Variants in RAB6B observed in about 807,000 individuals in gnomAD.
RAB6B encodes the protein RAB6B, member RAS oncogene family.
In RAB6B, 7 loss-of-function variants were observed where a neutral mutation model predicts 31.2. The ratio of observed to expected loss-of-function variants is 0.22; its 90% CI spans 0.13 to 0.42. The LOEUF (loss-of-function observed/expected upper bound fraction) is 0.42, where lower values mean the gene tolerates loss of function less well. RAB6B is among the 10% of genes least tolerant of loss of function. RAB6B has a pLI of 1.00. For synonymous variants in RAB6B, 105 were observed against 104.9 expected, an observed-to-expected ratio of 1.00 and a Z score of -0.01; for missense variants, 149 against 280.6, an observed-to-expected ratio of 0.53 and a Z score of 3.35.
At chr3:133,834,446 G>T (rs1935702445) in intron 7 of RAB6B, 129 bp downstream of exon 7, 1 of 993,288 alleles carries the variant, frequency 1.0e-6, no homozygotes, top group Non-Finnish European at 1.6e-6. Context: ...AGGAGGCCCC[G>T]TGCCATTCGC....
chr3:133,887,202 C>T (rs1936561211), intron 1 of RAB6B, among the ~76,000 whole-genome samples: 1 of 152,200 alleles, frequency 6.6e-6, no homozygotes, highest in African/African-American at 2.4e-5. Flanking sequence ...CCCTGTCGTC[C>T]TAATCATGGT....
At chr3:133,840,734 C>T (rs1046420665) in intron 4 of RAB6B, among the ~76,000 whole-genome samples, 3 of 152,024 alleles carry the variant, frequency 2.0e-5, no homozygotes, top group African/African-American at 7.2e-5. Flanking sequence ...CCCTGTGCGC[C>T]CTTGAGGCTG....
rs1935566779 is a variant in RAB6B, at chr3:133,826,571, T to C, written c.*2217A>G. ...TGGACTCCTGTAAATTCTCTCGAGG[T>C]AAGTAAGCACTCTTCCAACAAGCAC... On this transcript the variant is annotated 3_prime_UTR_variant, in exon 8 of 8. Coordinates refer to ENST00000285208, the MANE Select transcript of RAB6B (RefSeq NM_016577.4). 1 of 152,608 alleles carries C rather than the reference T, an allele frequency of 6.6e-6. No individual in the cohort carries two copies. Among genetic ancestry groups the C allele is most frequent in the African/African-American group, 2.4e-5 (1 of 41,440 alleles). The allele number at this position is 152,608 out of a possible 1,614,324, so 9.5% of individuals were successfully genotyped here. A position where few individuals can be genotyped will look rare whatever the true frequency, so the allele number is the denominator to read the frequency against.
rs906146248 is a variant in RAB6B at position 133,895,786 on chromosome 3, G to A, written c.-320C>T. The stretch of plus-strand genomic sequence containing the variant: ...CTGGGAGAGAGGCGCGGGCGGAGCG[G>A]GGCGCAGGGACGGCGCGCGGGGCGG... On this transcript the variant is annotated 5_prime_UTR_variant, in exon 1 of 8. Coordinates refer to ENST00000285208, the MANE Select transcript of RAB6B (RefSeq NM_016577.4). 2 of 351,110 alleles carry A rather than the reference G, an allele frequency of 5.7e-6. No homozygotes were observed. Among genetic ancestry groups the A allele is most frequent in the African/African-American group, 2.1e-5 (1 of 46,532 alleles). The allele number at this position is 351,110 out of a possible 1,614,324, so 21.7% of individuals were successfully genotyped here. A position where few individuals can be genotyped will look rare whatever the true frequency, so the allele number is the denominator to read the frequency against.
intron 1 of RAB6B, among the ~76,000 whole-genome samples, chr3:133,886,428 T>G (rs1273873869): frequency 1.3e-5 from 2 of 152,226 alleles, no homozygotes; most frequent in East Asian, 3.9e-4. Context: ...TACTCCACCC[T>G]GGCTGAGCTC....
At chr3:133,885,261 T>C (rs1936528974) in intron 1 of RAB6B, among the ~76,000 whole-genome samples, 1 of 143,714 alleles carries the variant, frequency 7.0e-6, no homozygotes, top group Non-Finnish European at 1.5e-5. Flanking sequence ...ACACACCCAA[T>C]GACCAGAGGA....
intron 1 of RAB6B, among the ~76,000 whole-genome samples, chr3:133,885,317 A>G (rs1218489482): frequency 6.9e-6 from 1 of 145,724 alleles, no homozygotes; most frequent in Non-Finnish European, 1.5e-5. Flanking sequence ...GGACTCACAC[A>G]CCTAATGACC....
chr3:133,840,724 C>T (rs1935813604), intron 4 of RAB6B, among the ~76,000 whole-genome samples: 1 of 151,920 alleles, frequency 6.6e-6, no homozygotes, highest in Admixed American at 6.6e-5. Flanking sequence ...CCACCTCTGG[C>T]CCTGTGCGCC....
chr3:133,843,838 T>C (rs889964512), intron 2 of RAB6B, among the ~76,000 whole-genome samples: 2 of 152,172 alleles, frequency 1.3e-5, no homozygotes, highest in Non-Finnish European at 2.9e-5. Context: ...TGAGTCATAG[T>C]GGCCCATCCA....
At position 133,864,618 on chromosome 3, in the gene RAB6B, C is replaced by T. The variant is rs1229890593; in HGVS notation, c.95G>A (p.Arg32Lys). The change falls in exon 2 of 8, where the codon AGG (arginine) becomes AAG (lysine). Residue 32 changes from arginine (R) to lysine (K), a missense_variant. Physicochemically the swap from Arg to Lys is conservative, Grantham distance 26. This residue lies in a region of RAB6B where 75 missense variants were observed against 180.1 expected (regional missense o/e 0.42). Transcript: ENST00000285208. ...QSVGKTSLIT[R>K]FMYDSFDNTY... ...GTTGTCGAAGCTGTCGTACATGAAC[C>T]TCGTAATCAGAGACGTCTTCCCGAC... 6.2e-7 allele frequency: 1 copy of T among 1,614,188 alleles called. No homozygotes were observed. Among genetic ancestry groups the T allele is most frequent in the Non-Finnish European group, 8.5e-7 (1 of 1,180,028 alleles).
intron 5 of RAB6B, 56 bp downstream of exon 5, chr3:133,839,450 A>G: frequency 7.0e-7 from 1 of 1,424,900 alleles, no homozygotes; most frequent in Non-Finnish European, 9.9e-7. Context: ...CCTGTCCAGG[A>G]GCAGTTACAG....
In RAB6B at chr3:133,836,424, AG is replaced by A. The variant is rs376755237; in HGVS notation, c.495+1741del. Among the ~76,000 whole-genome samples the A allele has an allele frequency of 3.3e-5, 5 of 152,322 alleles. No individual in the cohort carries two copies. In the East Asian group the frequency reaches 9.6e-4, roughly 29 times the overall value. On this transcript the variant is annotated intron_variant, in intron 6 of 7. Transcript: ENST00000285208. ...GGATCAGGTATGGGTTTCTAGGGTC[AG>A]GTATGGGTTTCTGTGAGTGGATATG...
At chr3:133,838,394 A>G in intron 5 of RAB6B, 135 bp from the exon 6 acceptor site, 3 of 787,862 alleles carry the variant, frequency 3.8e-6, no homozygotes, top group Non-Finnish European at 6.6e-6. Context: ...CTCTGATCCC[A>G]AGGGTCCCTC....
chr3:133,857,514 C>G (rs1936098671), intron 2 of RAB6B, among the ~76,000 whole-genome samples: 1 of 151,776 alleles, frequency 6.6e-6, no homozygotes. Flanking sequence ...CCACCTCTAC[C>G]AGGGCAGAAG....
At chr3:133,842,782 T>G (rs1935855257) in intron 2 of RAB6B, among the ~76,000 whole-genome samples, 1 of 152,238 alleles carries the variant, frequency 6.6e-6, no homozygotes, top group Non-Finnish European at 1.5e-5. Flanking sequence ...GTCTGAATAG[T>G]GACAGAGCAT....
At chr3:133,882,991 T>C (rs1386919078) in intron 1 of RAB6B, among the ~76,000 whole-genome samples, 1 of 152,224 alleles carries the variant, frequency 6.6e-6, no homozygotes, top group African/African-American at 2.4e-5. Flanking sequence ...GTGCCACAAG[T>C]AGGATTTGCT....
chr3:133,865,990 T>C (rs566785082), intron 1 of RAB6B, among the ~76,000 whole-genome samples: 1 of 152,282 alleles, frequency 6.6e-6, no homozygotes, highest in Non-Finnish European at 1.5e-5. Flanking sequence ...GAAATCCTAT[T>C]GGGGTACTTT....
intron 7 of RAB6B, among the ~76,000 whole-genome samples, chr3:133,830,398 C>T (rs1358640763): frequency 2.6e-5 from 4 of 152,274 alleles, no homozygotes; most frequent in African/African-American, 7.2e-5. Flanking sequence ...TCACCCCAAG[C>T]ACCTGTTGAC....
intron 1 of RAB6B, among the ~76,000 whole-genome samples, chr3:133,873,305 T>C (rs1287744593): frequency 6.6e-6 from 1 of 152,236 alleles, no homozygotes; most frequent in Non-Finnish European, 1.5e-5. Flanking sequence ...CTGTGGTTGC[T>C]GGGGACATGA....
Sources: allele counts gnomAD v4.1 joint callset (sites outside exome capture counted in the v4.1 genomes callset), GRCh38; gene constraint gnomAD v4.1.1; regional missense constraint gnomAD v4.1.1; transcripts MANE v1.5; gene names NCBI Gene and HGNC (gene_info 2026-07-23, HGNC 2026-07-21).